Variants in TRPM6 observed in about 807,000 individuals in gnomAD.
The protein encoded by TRPM6 is transient receptor potential cation channel subfamily M member 6.
In TRPM6, 111 loss-of-function variants were observed where a neutral mutation model predicts 247.6. The ratio of observed to expected loss-of-function variants is 0.45; its 90% confidence interval spans 0.38 to 0.52. TRPM6 has a LOEUF of 0.52. Among genes scored for constraint, TRPM6 ranks in the 20% least tolerant of loss-of-function variants. The probability of loss-of-function intolerance (pLI) is 0.00; values close to 1 mark genes in which losing one functional copy is unlikely to be tolerated. For missense variants in TRPM6, 2,126 were observed against 2,421.5 expected, an observed-to-expected ratio of 0.88 and a Z score of 2.56; for synonymous variants, 892 against 853.8, an observed-to-expected ratio of 1.04 and a Z score of -0.78.
In TRPM6 at chr9:74,738,539, C is replaced by A. The variant is rs1488008709; in HGVS notation, c.5644G>T (p.Glu1882Ter). 4.3e-6 allele frequency: 7 copies of A among 1,613,972 alleles called. No individual in the cohort carries two copies. The highest frequency in any genetic ancestry group is 5.9e-6 in the Non-Finnish European group (7 of 1,179,986). Residue 1882 changes from glutamate to a stop codon, truncating the protein, a stop_gained, in exon 36 of 39, where the codon GAG (glutamate) becomes TAG (stop). Transcript: ENST00000360774. LOFTEE classifies it high-confidence loss of function. ...WLTIEKYMTG[E>*]FRKYNNNNGD... ...TTGTTGTTGTTATACTTCCGGAACTCCCCTGTCATATACTTCTCAATGGTC... is the reference window on the plus strand; with the variant it reads ...TTGTTGTTGTTATACTTCCGGAACTACCCTGTCATATACTTCTCAATGGTC...
At chr9:74,839,678 T>C (rs930917364) in intron 5 of TRPM6, among the ~76,000 whole-genome samples, 1 of 152,036 alleles carries the variant, frequency 6.6e-6, no homozygotes, top group South Asian at 2.1e-4. Context: ...ATTCTGACAA[T>C]GGTAAAAACA....
intron 37 of TRPM6, among the ~76,000 whole-genome samples, chr9:74,730,326 CA>C (rs1003697948): frequency 1.1e-4 from 16 of 152,114 alleles, no homozygotes; most frequent in African/African-American, 3.6e-4. Flanking sequence ...ATAACCAAGG[CA>C]GAAGGTTAGG....
chr9:74,754,090 T>C lies in TRPM6; in HGVS notation c.4906+1263A>G, dbSNP rs187653345. On this transcript the variant is annotated intron_variant, in intron 28 of 38. Transcript: ENST00000360774. ...TAATACCTAATATATATAATATAAA[T>C]ATATGACACTTATAAATAAAATCAA... Among the ~76,000 whole-genome samples, 21 of 151,210 alleles carry C rather than the reference T, an allele frequency of 1.4e-4. 1 individual carries two copies. Among genetic ancestry groups the C allele is most frequent in the Admixed American group, 2.6e-4 (4 of 15,136 alleles).
chr9:74,741,174 T>C (rs1360744822), intron 33 of TRPM6, among the ~76,000 whole-genome samples: 1 of 152,158 alleles, frequency 6.6e-6, no homozygotes, highest in Non-Finnish European at 1.5e-5. Flanking sequence ...GCTTCCACTT[T>C]TAGGCTGTTG....
At chr9:74,821,648 A>G (rs1451036553) in intron 8 of TRPM6, 21 bp downstream of exon 8, 2 of 1,614,166 alleles carry the variant, frequency 1.2e-6, no homozygotes, top group South Asian at 2.2e-5. Flanking sequence ...TAGTTTCAAA[A>G]AAGAAGAGCC....
At chr9:74,797,932 C>T (rs192926840) in intron 17 of TRPM6, among the ~76,000 whole-genome samples, 30 of 152,264 alleles carry the variant, frequency 2.0e-4, no homozygotes, top group African/African-American at 5.3e-4. Flanking sequence ...AGATCCATCT[C>T]CCATCCCACA....
chr9:74,791,841 T>C (rs7030086), intron 19 of TRPM6, among the ~76,000 whole-genome samples: 77,031 of 152,024 alleles, frequency 0.51, 19,814 homozygotes, highest in East Asian at 0.62. Context: ...CTGCAGGCTC[T>C]GCCCCCTGGG....
chr9:74,751,875 G>C (rs1156692612), intron 29 of TRPM6, among the ~76,000 whole-genome samples: 2 of 152,132 alleles, frequency 1.3e-5, no homozygotes, highest in Non-Finnish European at 2.9e-5. Flanking sequence ...CTCAGATTGG[G>C]CTGAAATCTG....
At chr9:74,755,295 G>A (rs990319708) in intron 28 of TRPM6, 58 bp downstream of exon 28, 18 of 1,592,522 alleles carry the variant, frequency 1.1e-5, no homozygotes, top group Admixed American at 3.3e-5. Context: ...TCTAAAGACC[G>A]TACCCTGAGA....
chr9:74,816,159 C>A (rs1828914961), intron 11 of TRPM6, among the ~76,000 whole-genome samples: 1 of 152,122 alleles, frequency 6.6e-6, no homozygotes, highest in Non-Finnish European at 1.5e-5. Flanking sequence ...TCAAGACCAG[C>A]CTGGGCAATA....
intron 15 of TRPM6, among the ~76,000 whole-genome samples, chr9:74,803,295 TACACACACAC>T (rs3056763): frequency 5.2e-4 from 78 of 149,522 alleles, no homozygotes; most frequent in African/African-American, 1.9e-3. Context: ...AACAATGTTG[TACACACACAC>T]ACACACACAC....
intron 15 of TRPM6, 133 bp downstream of exon 15, chr9:74,803,661 C>T (rs1303648452): frequency 3.9e-6 from 3 of 766,602 alleles, no homozygotes; most frequent in Admixed American, 1.8e-5. Context: ...ATGCTTTTGA[C>T]TTGCACCATC....
At chr9:74,769,976 C>T (rs954811664) in intron 25 of TRPM6, among the ~76,000 whole-genome samples, 4 of 152,008 alleles carry the variant, frequency 2.6e-5, no homozygotes, top group South Asian at 2.1e-4. Context: ...TATAAAGGGG[C>T]GCAGAACGTG....
chr9:74,785,782 C>G, intron 21 of TRPM6, 92 bp downstream of exon 21: 1 of 1,486,608 alleles, frequency 6.7e-7, no homozygotes, highest in East Asian at 2.3e-5. Context: ...CTTGGCCTCC[C>G]AAAGTGCTGG....
chr9:74,773,533 G>A (rs1027598483), intron 24 of TRPM6, among the ~76,000 whole-genome samples: 9 of 152,128 alleles, frequency 5.9e-5, no homozygotes, highest in African/African-American at 2.2e-4. Context: ...TTCACATTTG[G>A]TCTATTACCT....
At chr9:74,779,504 A>T (rs75428088) in intron 23 of TRPM6, among the ~76,000 whole-genome samples, 4,474 of 152,166 alleles carry the variant, frequency 0.029, 194 homozygotes, top group African/African-American at 0.094. Context: ...GCTGACTCTC[A>T]ACCCCTGTCT....
intron 3 of TRPM6, among the ~76,000 whole-genome samples, chr9:74,854,085 A>T (rs1293821586): frequency 6.6e-6 from 1 of 152,226 alleles, no homozygotes; most frequent in Non-Finnish European, 1.5e-5. Context: ...GAAATGTGGT[A>T]TATAACACAG....
At chr9:74,756,681 C>CAAAAAAAAAAAAAA (rs1217543421) in intron 27 of TRPM6, among the ~76,000 whole-genome samples, 2 of 51,774 alleles carry the variant, frequency 3.9e-5, no homozygotes, top group African/African-American at 6.4e-5. Context: ...CCCGTCTCTA[C>CAAAAAAAAAAAAAA]AAAAAAAAAA....
intron 37 of TRPM6, among the ~76,000 whole-genome samples, chr9:74,728,640 C>T (rs535008193): frequency 1.3e-5 from 2 of 152,262 alleles, no homozygotes; most frequent in African/African-American, 2.4e-5. Context: ...CAAAATACAG[C>T]GAAATCCTTT....
Sources: allele counts gnomAD v4.1 joint callset (sites outside exome capture counted in the v4.1 genomes callset), GRCh38; gene constraint gnomAD v4.1.1; transcripts MANE v1.5; gene names NCBI Gene and HGNC (gene_info 2026-07-23, HGNC 2026-07-21).